Variants in RUNX1 observed in about 807,000 individuals in gnomAD.
RUNX1 encodes runt-related transcription factor 1.
RUNX1 carries 19 observed loss-of-function variants against 42.8 expected under a neutral mutation model. The ratio of observed to expected loss-of-function variants is 0.44; its 90% confidence interval spans 0.31 to 0.65. RUNX1 has a LOEUF of 0.65. Ranked by LOEUF, RUNX1 falls within the 30% of genes least tolerant of loss-of-function variation. The probability of loss-of-function intolerance (pLI) is 0.07; values close to 1 mark genes in which losing one functional copy is unlikely to be tolerated. For synonymous variants in RUNX1, 271 were observed against 289.4 expected (o/e 0.94, Z 0.64); for missense variants, 528 against 672.0 (o/e 0.79, Z 2.37).
chr21:34,998,207 C>G (rs1266498969), intron 2 of RUNX1, among the ~76,000 whole-genome samples: 2 of 152,064 alleles, frequency 1.3e-5, no homozygotes, highest in Non-Finnish European at 2.9e-5. Flanking sequence ...TTTAGGGAAG[C>G]AAGAAGGGCT....
chr21:34,871,379 G>A (rs1569071833), intron 5 of RUNX1, among the ~76,000 whole-genome samples: 1 of 152,210 alleles, frequency 6.6e-6, no homozygotes, highest in Non-Finnish European at 1.5e-5. Flanking sequence ...CTACTGTAGG[G>A]AGCTTAAAGG....
At chr21:34,889,585 G>C in intron 3 of RUNX1, 4 of 866,092 alleles carry the variant, frequency 4.6e-6, no homozygotes, top group Non-Finnish European at 5.7e-6. Flanking sequence ...CAGCCTGCCC[G>C]GGCCCCGCGT....
chr21:35,010,858 A>AG (rs2059121541), intron 2 of RUNX1, among the ~76,000 whole-genome samples: 2 of 152,234 alleles, frequency 1.3e-5, no homozygotes, highest in African/African-American at 2.4e-5. Context: ...GAATCATCTG[A>AG]AACATCAGAA....
chr21:35,047,561 A>ACTCTCTCTCTCTCTCTCTCTCTCT (rs55862184), intron 2 of RUNX1, among the ~76,000 whole-genome samples: 3 of 46,758 alleles, frequency 6.4e-5, no homozygotes, highest in African/African-American at 8.6e-5. Context: ...ACACACACAC[A>ACTCTCTCTCTCTCTCTCTCTCTCT]CTCTCTCTCT....
intron 2 of RUNX1, among the ~76,000 whole-genome samples, chr21:34,904,426 T>A (rs1382395518): frequency 6.6e-6 from 1 of 152,168 alleles, no homozygotes; most frequent in Non-Finnish European, 1.5e-5. Context: ...ATTAGAAACA[T>A]ACAAACAACA....
At chr21:34,857,405 T>C (rs963231005) in intron 6 of RUNX1, among the ~76,000 whole-genome samples, 7 of 152,236 alleles carry the variant, frequency 4.6e-5, no homozygotes, top group Non-Finnish European at 1.0e-4. Flanking sequence ...CCATTTGTTT[T>C]CTGAAGCTCA....
rs1187735367 is a variant in RUNX1, at chr21:34,921,853, C to T, written c.59-28890G>A. Among the ~76,000 whole-genome samples the T allele has an allele frequency of 5.9e-5, 9 of 152,004 alleles. No individual in the cohort carries two copies. The East Asian group carries it at 7.7e-4, about 13-fold the overall frequency. Reference sequence around the variant, plus strand: ...TTCACTATATTGGCCAGGCTGGTCTCGAACTCCTAACCCCAAGTGATCCAC... The same window carrying T: ...TTCACTATATTGGCCAGGCTGGTCTTGAACTCCTAACCCCAAGTGATCCAC... On this transcript the variant is annotated intron_variant, in intron 2 of 8. Transcript: ENST00000675419.
At chr21:35,007,737 C>T (rs1320641656) in intron 2 of RUNX1, among the ~76,000 whole-genome samples, 1 of 152,012 alleles carries the variant, frequency 6.6e-6, no homozygotes, top group Admixed American at 6.5e-5. Context: ...CCACCACCCT[C>T]GTTCAGGCCC....
At chr21:34,804,888 C>A (rs1423104736) in intron 7 of RUNX1, among the ~76,000 whole-genome samples, 2 of 151,904 alleles carry the variant, frequency 1.3e-5, no homozygotes, top group East Asian at 3.9e-4. Flanking sequence ...ATTACAGGCA[C>A]CTGCCACCAC....
intron 6 of RUNX1, among the ~76,000 whole-genome samples, chr21:34,837,297 C>T (rs866264849): frequency 6.6e-6 from 1 of 152,136 alleles, no homozygotes; most frequent in Non-Finnish European, 1.5e-5. Context: ...TCAGTAGGAA[C>T]GTTATTGCCT....
At chr21:35,038,572 CCTCTCT>C (rs59976658) in intron 2 of RUNX1, 10,687 of 331,454 alleles carry the variant, frequency 0.032, 355 homozygotes, top group African/African-American at 0.16. Flanking sequence ...TGAATGCTGG[CCTCTCT>C]CTCTCTCTCT....
At chr21:34,957,542 A>C (rs2253030) in intron 2 of RUNX1, among the ~76,000 whole-genome samples, 7,216 of 152,206 alleles carry the variant, frequency 0.047, 550 homozygotes, top group African/African-American at 0.16. Context: ...GGTGCCATGA[A>C]AAAAATGTCC....
At chr21:35,000,129 A>G (rs535140063) in intron 2 of RUNX1, among the ~76,000 whole-genome samples, 2 of 152,300 alleles carry the variant, frequency 1.3e-5, no homozygotes, top group East Asian at 3.9e-4. Context: ...AAGGTATCTA[A>G]GGAATTTTTG....
rs202122402 is a variant in RUNX1 at position 34,913,573 on chromosome 21, C to T, written c.59-20610G>A. ...CTTTACTTTTTTGCCCCTTCAAACT[C>T]ACACTAATTTCAGTTGAGACAGGGC... is the stretch of plus-strand genomic sequence containing the variant. On this transcript the variant is annotated intron_variant, in intron 2 of 8. Coordinates refer to ENST00000675419, the MANE Select transcript of RUNX1 (RefSeq NM_001754.5). Among the ~76,000 whole-genome samples, 4 of 152,206 alleles carry T rather than the reference C, an allele frequency of 2.6e-5. No individual in the cohort carries two copies. The East Asian group carries it at 7.7e-4, about 29-fold the overall frequency.
At chr21:34,950,596 G>A (rs780353773) in intron 2 of RUNX1, among the ~76,000 whole-genome samples, 34 of 152,156 alleles carry the variant, frequency 2.2e-4, no homozygotes, top group Non-Finnish European at 4.3e-4. Context: ...AATTAGCTGC[G>A]CATGGTGGCG....
chr21:34,942,640 G>T (rs1247394779), intron 2 of RUNX1, among the ~76,000 whole-genome samples: 1 of 152,202 alleles, frequency 6.6e-6, no homozygotes, highest in Non-Finnish European at 1.5e-5. Flanking sequence ...ACCTGGGAAG[G>T]GTGAGTGGGG....
chr21:35,013,223 G>T lies in RUNX1; in HGVS notation c.58+35619C>A, dbSNP rs7279207. On this transcript the variant is annotated intron_variant, in intron 2 of 8. Coordinates refer to ENST00000675419, the MANE Select transcript of RUNX1 (RefSeq NM_001754.5). Reference sequence around the variant, plus strand: ...GTAAGTAAATAACATTATATTGGGGGTCTATAGATTTAGTTGAATTTTCAC... The same window carrying T: ...GTAAGTAAATAACATTATATTGGGGTTCTATAGATTTAGTTGAATTTTCAC... Among the ~76,000 whole-genome samples the T allele has an allele frequency of 8.4e-3, 1,284 of 152,298 alleles. 18 individuals are homozygous for T. The highest frequency in any genetic ancestry group is 0.03 in the African/African-American group (1,233 of 41,550).
At chr21:34,995,774 T>C (rs1569143140) in intron 2 of RUNX1, among the ~76,000 whole-genome samples, 1 of 152,196 alleles carries the variant, frequency 6.6e-6, no homozygotes, top group African/African-American at 2.4e-5. Flanking sequence ...AATCTTTAGA[T>C]ACTGCAGTTT....
chr21:35,047,559 ACACTCT>A (rs1304570775), intron 2 of RUNX1, among the ~76,000 whole-genome samples: 661 of 64,196 alleles, frequency 0.01, no homozygotes, highest in East Asian at 0.014. Context: ...ACACACACAC[ACACTCT>A]CTCTCTCTCT....
Sources: allele counts gnomAD v4.1 joint callset (sites outside exome capture counted in the v4.1 genomes callset), GRCh38; gene constraint gnomAD v4.1.1; transcripts MANE v1.5; gene names NCBI Gene and HGNC (gene_info 2026-07-23, HGNC 2026-07-21).